The following PLPP5 variants were observed in gnomAD, a reference collection of about 807,000 sequenced individuals.
PLPP5 encodes diacylglycerol pyrophosphate like 1.
Under a neutral mutation model 23.6 loss-of-function variants are expected in PLPP5, and 29 were observed. The observed-to-expected ratio is 1.23, with a 90% CI of 0.92 to 1.68. PLPP5 has a LOEUF of 1.68. Ranked by LOEUF, PLPP5 falls within the 40% of genes most tolerant of loss-of-function variation. PLPP5 has a pLI of 0.00. For synonymous variants in PLPP5, 143 were observed against 131.3 expected, an observed-to-expected ratio of 1.09 and a Z score of -0.61; for missense variants, 315 against 332.1, an observed-to-expected ratio of 0.95 and a Z score of 0.40.
In PLPP5 at chr8:38,268,358, GGCTA is replaced by G. The variant is rs1474086309; in HGVS notation, c.274+9_274+12del. 1.3e-6 allele frequency: 2 copies of G among 1,558,350 alleles called. No individual in the cohort carries two copies. The highest frequency in any genetic ancestry group is 8.7e-7 in the Non-Finnish European group (1 of 1,150,544). On this transcript the variant is annotated intron_variant, in intron 3 of 6. Transcript: ENST00000424479. ...CAGCACGAAGAAACCGGCCCGAAAG[GGCTA>G]GCGCTCACCCAGGCAGGCTTGTCTG...
chr8:38,264,664 C>T lies in PLPP5; in HGVS notation c.635-60G>A, dbSNP rs138361194. The T allele has an allele frequency of 2.6e-4, 391 of 1,492,336 alleles. 2 individuals are homozygous for T. The African/African-American group carries it at 4.6e-3, about 18-fold the overall frequency. 92.4% of individuals were successfully genotyped at this position (1,492,336 alleles called of 1,614,324 possible). A position where few individuals can be genotyped will look rare whatever the true frequency, so the allele number is the denominator to read the frequency against. On this transcript the variant is annotated intron_variant, in intron 6 of 6. Transcript: ENST00000424479. ...TTAGGCTCCTAAATCCTATTACATA[C>T]ACATAGCATAGAGGACCTGGCCCTC...
intron 6 of PLPP5, among the ~76,000 whole-genome samples, chr8:38,265,354 C>T (rs1303698991): frequency 6.6e-6 from 1 of 151,368 alleles, no homozygotes; most frequent in African/African-American, 2.4e-5. Flanking sequence ...GACCTGTGGG[C>T]AATACCTCCA....
chr8:38,266,048 A>T, intron 6 of PLPP5, 93 bp downstream of exon 6: 2 of 1,173,840 alleles, frequency 1.7e-6, no homozygotes, highest in South Asian at 3.1e-5. Flanking sequence ...TTGTTCATTC[A>T]GCAGATATTT....
Position 38,264,249 on chromosome 8 carries a change from G to C in PLPP5, c.*195C>G. ...TGGAACCTCCAGCTCCCAGGTTCAA[G>C]CAATTCTCCTACCTCAGCCTCCCAG... On this transcript the variant is annotated 3_prime_UTR_variant, in exon 7 of 7. Coordinates refer to ENST00000424479, the MANE Select transcript of PLPP5 (RefSeq NM_001102559.2). The C allele has an allele frequency of 1.3e-6, 1 of 760,000 alleles. No homozygotes were observed. Among genetic ancestry groups the C allele is most frequent in the Non-Finnish European group, 1.8e-6 (1 of 556,676 alleles). 47.1% of individuals were successfully genotyped at this position (760,000 alleles called of 1,614,324 possible).
chr8:38,267,449 G>A (rs1346994758), intron 4 of PLPP5, 58 bp from the exon 5 acceptor site: 2 of 1,590,648 alleles, frequency 1.3e-6, no homozygotes, highest in Non-Finnish European at 8.6e-7. Flanking sequence ...TTATTTTTCA[G>A]TTGTAGCAGA....
rs1430105817 is a variant in PLPP5 at position 38,264,498 on chromosome 8, T to C, written c.741A>G (p.Lys247=). 6.4e-7 allele frequency: 1 copy of C among 1,555,332 alleles called. No individual in the cohort carries two copies. Among genetic ancestry groups the C allele is most frequent in the Non-Finnish European group, 8.7e-7 (1 of 1,148,730 alleles). ...DAECHKPFQD[K]LVLSTAQKPG... is the part of the protein sequence containing the mutation. ...GCTTCTGTGCAGTGGAAAGTACAAG[T>C]TTGTCTTGAAATGGTTTATGGCATT... The change falls in exon 7 of 7, where the codon AAA becomes AAG. Residue 247 remains lysine, a synonymous_variant. Transcript: ENST00000424479.
chr8:38,268,462 C>T lies in PLPP5; in HGVS notation c.184-1G>A, dbSNP rs923908550. The stretch of plus-strand genomic sequence containing the variant: ...ACAGTGGAGAGAGAAATGCAATAAC[C>T]TGAATCAGAATGTCAGAGGTTAAAA... On this transcript the variant is annotated splice_acceptor_variant, in intron 2 of 6. Coordinates refer to ENST00000424479, the MANE Select transcript of PLPP5 (RefSeq NM_001102559.2). LOFTEE classifies it high-confidence loss of function. 7.0e-6 allele frequency: 11 copies of T among 1,567,858 alleles called. No homozygotes were observed. Among genetic ancestry groups the T allele is most frequent in the Non-Finnish European group, 9.5e-6 (11 of 1,156,000 alleles).
Position 38,269,110 on chromosome 8 carries a change from C to G in PLPP5, c.74+16G>C. On this transcript the variant is annotated intron_variant, in intron 1 of 6. Transcript: ENST00000424479. The stretch of plus-strand genomic sequence containing the variant: ...GGAAGCGGGGCCGCCCGGGCCCGGC[C>G]GTGGATCTTTCTTACAGGAAGGCCG... The G allele has an allele frequency of 6.6e-7, 1 of 1,525,468 alleles. No individual in the cohort carries two copies. Among genetic ancestry groups the G allele is most frequent in the Non-Finnish European group, 8.8e-7 (1 of 1,141,548 alleles). 94.5% of individuals were successfully genotyped at this position (1,525,468 alleles called of 1,614,324 possible).
chr8:38,266,105 A>C (rs1428697665), intron 6 of PLPP5, 36 bp downstream of exon 6: 1 of 1,598,278 alleles, frequency 6.3e-7, no homozygotes, highest in African/African-American at 1.3e-5. Flanking sequence ...AATGAGTGAA[A>C]TATGCAAGCT....
chr8:38,266,239 C>T lies in PLPP5; in HGVS notation c.536G>A (p.Arg179His), dbSNP rs368615121. ...GKLHCFTPQG[R>H]GKSWRFCAFL... ...GGCACAGAACCTCCAAGATTTCCCA[C>T]GGCCTTGTGGTGTGAAGCAGTGTAA... The change falls in exon 6 of 7, where the codon CGT becomes CAT. Residue 179 changes from arginine to histidine, a missense_variant. Transcript: ENST00000424479. 13 of 1,613,624 alleles carry T rather than the reference C, an allele frequency of 8.1e-6. No individual in the cohort carries two copies. Among genetic ancestry groups the T allele is most frequent in the Admixed American group, 5.0e-5 (3 of 59,972 alleles).
chr8:38,267,744 G>T (rs1308455033), intron 4 of PLPP5, 153 bp downstream of exon 4: 1 of 798,508 alleles, frequency 1.3e-6, no homozygotes, highest in Non-Finnish European at 2.0e-6. Flanking sequence ...TGAGGTATGG[G>T]GAAGGGAGTA....
At chr8:38,268,736 C>A in intron 2 of PLPP5, 146 bp downstream of exon 2, 1 of 1,434,038 alleles carries the variant, frequency 7.0e-7, no homozygotes, top group African/African-American at 1.4e-5. Flanking sequence ...ATCTTAAACA[C>A]TCGAGCCCTA....
chr8:38,264,597 T>C lies in PLPP5; in HGVS notation c.642A>G (p.Leu214=). ...ATGTCATTCCAATCATGGATCCAAC[T>C]AGTACATCTGAAGAGAGTGGAAACA... ...CDYKHHWQDV[L]VGSMIGMTFA... Residue 214 remains leucine (L), a synonymous_variant, in exon 7 of 7, where the codon CTA becomes CTG. Transcript: ENST00000424479. 6.3e-7 allele frequency: 1 copy of C among 1,593,638 alleles called. No homozygotes were observed. Among genetic ancestry groups the C allele is most frequent in the Non-Finnish European group, 8.5e-7 (1 of 1,169,694 alleles).
At chr8:38,268,670 C>T (rs1422404923) in intron 2 of PLPP5, 2 of 1,431,264 alleles carry the variant, frequency 1.4e-6, no homozygotes, top group African/African-American at 2.9e-5. Flanking sequence ...ACAGAGCGCC[C>T]GGGAAAACGT....
rs1433647168 is a variant in PLPP5 at position 38,266,204 on chromosome 8, G to A, written c.571C>T (p.Pro191Ser). Residue 191 changes from proline (P) to serine (S), a missense_variant, in exon 6 of 7, where the codon CCT (proline) becomes TCT (serine). Physicochemically the swap from Pro to Ser is moderately conservative, Grantham distance 74. Coordinates refer to ENST00000424479, the MANE Select transcript of PLPP5 (RefSeq NM_001102559.2). Reference protein sequence around the residue: ...KSWRFCAFLSPLLFAAVIALS... With the variant: ...KSWRFCAFLSSLLFAAVIALS... ...GCAATCACAGCTGCAAAAAGTAGAGGTGACAGAAAGGCACAGAACCTCCAA... is the reference window on the plus strand; with the variant it reads ...GCAATCACAGCTGCAAAAAGTAGAGATGACAGAAAGGCACAGAACCTCCAA... The A allele has an allele frequency of 6.8e-6, 11 of 1,613,974 alleles. No individual in the cohort carries two copies. The highest frequency in any genetic ancestry group is 8.5e-6 in the Non-Finnish European group (10 of 1,179,886).
intron 6 of PLPP5, 186 bp from the exon 7 acceptor site, chr8:38,264,790 C>T: frequency 6.6e-7 from 1 of 1,507,674 alleles, no homozygotes; most frequent in Non-Finnish European, 8.8e-7. Context: ...ACAGTATTAT[C>T]ATTGTCAGGT....
chr8:38,269,158 C>A lies in PLPP5; in HGVS notation c.42G>T (p.Val14=). ...CCGCGAACAGCGCGAGCCGCACGCC[C>A]ACTTCGGCCCCAAAGGCCACCGCCG... ...AAAAVAFGAE[V]GVRLALFAAF... Residue 14 remains valine (V), a synonymous_variant, in exon 1 of 7, where the codon GTG becomes GTT. Coordinates refer to ENST00000424479, the MANE Select transcript of PLPP5 (RefSeq NM_001102559.2). 6.6e-7 allele frequency: 1 copy of A among 1,513,408 alleles called. No individual in the cohort carries two copies. The highest frequency in any genetic ancestry group is 1.2e-5 in the South Asian group (1 of 82,236). 93.7% of individuals were successfully genotyped at this position (1,513,408 alleles called of 1,614,324 possible).
chr8:38,264,650 A>T, intron 6 of PLPP5, 46 bp from the exon 7 acceptor site: 2 of 1,530,488 alleles, frequency 1.3e-6, no homozygotes, highest in Non-Finnish European at 1.8e-6. Context: ...TAGGCTCCTA[A>T]ATCCTATTAC....
At chr8:38,268,173 C>CCTAAATGCACTGGGTT in intron 3 of PLPP5, 198 bp downstream of exon 3, 2 of 1,234,016 alleles carry the variant, frequency 1.6e-6, no homozygotes, top group Non-Finnish European at 2.2e-6. Context: ...TAACCCAGTG[C>CCTAAATGCACTGGGTT]ATTTAGGCAC....
Sources: allele counts gnomAD v4.1 joint callset (sites outside exome capture counted in the v4.1 genomes callset), GRCh38; gene constraint gnomAD v4.1.1; transcripts MANE v1.5; gene names NCBI Gene and HGNC (gene_info 2026-07-23, HGNC 2026-07-21).